Variants in STPG1 observed in about 807,000 individuals in gnomAD.
STPG1 encodes O(6)-methylguanine-induced apoptosis 2.
Under a neutral mutation model 40.1 loss-of-function variants are expected in STPG1, and 33 were observed. The ratio of observed to expected loss-of-function variants is 0.82; its 90% confidence interval spans 0.62 to 1.10. The LOEUF (loss-of-function observed/expected upper bound fraction) is 1.10, where lower values mean the gene tolerates loss of function less well. Among genes scored for constraint, STPG1 ranks in the 50% least tolerant of loss-of-function variants. The probability of loss-of-function intolerance (pLI) is 0.00; values close to 1 mark genes in which losing one functional copy is unlikely to be tolerated. For synonymous variants in STPG1, 150 were observed against 155.0 expected, an observed-to-expected ratio of 0.97 and a Z score of 0.24; for missense variants, 396 against 415.1, an observed-to-expected ratio of 0.95 and a Z score of 0.40.
intron 6 of STPG1, among the ~76,000 whole-genome samples, chr1:24,372,606 G>T (rs1196509964): frequency 1.3e-5 from 2 of 152,200 alleles, no homozygotes; most frequent in Non-Finnish European, 2.9e-5. Context: ...GTGGGGTTTT[G>T]CCCATGGATG....
At position 24,374,248 on chromosome 1, in the gene STPG1, T is replaced by G. The variant is rs898247700; in HGVS notation, c.463-438A>C. ...AGAGATCACCGCTAGGAAAGTGTTTTTTTTTTTTGTTTTTTTTTTTTTTTT... is the reference window on the plus strand; with the variant it reads ...AGAGATCACCGCTAGGAAAGTGTTTGTTTTTTTTGTTTTTTTTTTTTTTTT... On this transcript the variant is annotated intron_variant, in intron 5 of 8. Transcript: ENST00000337248. Among the ~76,000 whole-genome samples the G allele has an allele frequency of 3.5e-5, 3 of 86,686 alleles. No individual in the cohort carries two copies. The East Asian group carries it at 1.1e-3, about 31-fold the overall frequency. The allele number at this position is 86,686 out of a possible 152,430, so 56.9% of individuals were successfully genotyped here. A position where few individuals can be genotyped will look rare whatever the true frequency, so the allele number is the denominator to read the frequency against.
At chr1:24,414,069 A>G (rs1643898647), upstream of STPG1, 1 of 151,964 alleles carries the variant, frequency 6.6e-6, no homozygotes, top group Admixed American at 6.6e-5. Flanking sequence ...TTTGAGACAG[A>G]GTCTCGCTTT....
rs1641533981 is a variant in STPG1, at chr1:24,367,576, T to G, written c.737+2098A>C. ...CTCTGTCACCCAGGCTGGAGTGCAG[T>G]GGCATGATCTCGGCTCACTGCAACC... On this transcript the variant is annotated intron_variant, in intron 7 of 8. Transcript: ENST00000337248. 2.0e-5 allele frequency among the ~76,000 whole-genome samples: 3 copies of G among 152,190 alleles called. 1 individual carries two copies. The highest frequency in any genetic ancestry group is 7.2e-5 in the African/African-American group (3 of 41,434).
At chr1:24,409,957 T>A (rs891714134) in intron 1 of STPG1, among the ~76,000 whole-genome samples, 7 of 152,168 alleles carry the variant, frequency 4.6e-5, no homozygotes, top group African/African-American at 1.4e-4. Flanking sequence ...AGAAAAAAAC[T>A]GTATTCTGAG....
At chr1:24,397,000 CT>C (rs1044934162) in intron 2 of STPG1, among the ~76,000 whole-genome samples, 1 of 152,044 alleles carries the variant, frequency 6.6e-6, no homozygotes, top group African/African-American at 2.4e-5. Context: ...AAAAGATTTA[CT>C]ATGCTAACAC....
intron 2 of STPG1, among the ~76,000 whole-genome samples, chr1:24,394,923 A>T (rs980014479): frequency 6.6e-6 from 1 of 152,100 alleles, no homozygotes; most frequent in African/African-American, 2.4e-5. Flanking sequence ...AAAATGGTTG[A>T]AATTTTTCCA....
At chr1:24,373,897 TA>T in intron 5 of STPG1, 87 bp from the exon 6 acceptor site, 8 of 993,420 alleles carry the variant, frequency 8.1e-6, no homozygotes, top group South Asian at 1.4e-5. Context: ...CAAATCTACG[TA>T]AAAAAAATCA....
chr1:24,414,272 C>G (rs1342524668), upstream of STPG1: 1 of 152,102 alleles, frequency 6.6e-6, no homozygotes, highest in Non-Finnish European at 1.5e-5. Context: ...TCTCGAACTC[C>G]TGACCTCAGG....
At chr1:24,392,884 GAAGA>G (rs1469004825) in intron 2 of STPG1, among the ~76,000 whole-genome samples, 4 of 151,916 alleles carry the variant, frequency 2.6e-5, no homozygotes, top group African/African-American at 9.7e-5. Flanking sequence ...GAGAAGGAAA[GAAGA>G]AAGTATGTGT....
intron 1 of STPG1, among the ~76,000 whole-genome samples, chr1:24,402,054 T>C (rs1643248106): frequency 6.6e-6 from 1 of 152,204 alleles, no homozygotes; most frequent in African/African-American, 2.4e-5. Context: ...CAGTGTTAGT[T>C]GTACAATTCC....
chr1:24,365,209 C>A (rs555259610), intron 7 of STPG1, among the ~76,000 whole-genome samples: 4 of 152,084 alleles, frequency 2.6e-5, no homozygotes, highest in Non-Finnish European at 5.9e-5. Context: ...GTGGGGCCAA[C>A]GGGGCTTGAT....
chr1:24,412,734 T>G (rs552612979), intron 1 of STPG1, among the ~76,000 whole-genome samples: 1 of 152,202 alleles, frequency 6.6e-6, no homozygotes, highest in Non-Finnish European at 1.5e-5. Context: ...TTAAAATTAG[T>G]ATTTTCTTCA....
intron 7 of STPG1, chr1:24,364,237 CTT>C (rs1438089396): frequency 8.4e-6 from 13 of 1,547,972 alleles, no homozygotes; most frequent in Non-Finnish European, 1.1e-5. Flanking sequence ...ACCTGACTGT[CTT>C]GAATGTTCCC....
chr1:24,396,817 A>G (rs6674746), intron 2 of STPG1, among the ~76,000 whole-genome samples: 6,944 of 152,284 alleles, frequency 0.046, 510 homozygotes, highest in African/African-American at 0.15. Flanking sequence ...TCACAAGATG[A>G]TAGACTTAAA....
chr1:24,404,165 C>T (rs1242195177), intron 1 of STPG1, among the ~76,000 whole-genome samples: 1 of 152,082 alleles, frequency 6.6e-6, no homozygotes, highest in Admixed American at 6.6e-5. Flanking sequence ...TTATCAAATA[C>T]TTTTTCCGCA....
chr1:24,379,601 T>C (rs1261462616), intron 5 of STPG1, 52 bp downstream of exon 5: 4 of 1,582,548 alleles, frequency 2.5e-6, no homozygotes, highest in Non-Finnish European at 3.5e-6. Flanking sequence ...CCTTTTATTT[T>C]AGTAAACCAT....
intron 4 of STPG1, among the ~76,000 whole-genome samples, chr1:24,382,110 G>A (rs1001173040): frequency 3.3e-5 from 5 of 152,212 alleles, no homozygotes; most frequent in African/African-American, 4.8e-5. Context: ...CCTGAAAGGC[G>A]TGGCTAGGTT....
At chr1:24,371,058 A>G (rs999145879) in intron 6 of STPG1, among the ~76,000 whole-genome samples, 2 of 152,302 alleles carry the variant, frequency 1.3e-5, no homozygotes, top group South Asian at 2.1e-4. Context: ...AGCTTTAAGG[A>G]AGAAGAGAAT....
chr1:24,413,202 C>T (rs1203615899), intron 1 of STPG1, among the ~76,000 whole-genome samples: 4 of 152,232 alleles, frequency 2.6e-5, no homozygotes, highest in African/African-American at 9.6e-5. Flanking sequence ...GGCTAGTGAC[C>T]ACCAGGTTCC....
Sources: gnomAD v4.1 joint callset for allele counts (sites outside exome capture counted in the v4.1 genomes callset) on GRCh38, gnomAD v4.1.1 for gene constraint, MANE v1.5 for transcripts, NCBI Gene and HGNC (gene_info 2026-07-23, HGNC 2026-07-21) for gene names.